The following LINGO2 variants were observed in gnomAD, a reference collection of about 807,000 sequenced individuals.
LINGO2 encodes leucine rich repeat and Ig domain containing 2.
LINGO2 carries 14 observed loss-of-function variants against 30.6 expected under a neutral mutation model. The ratio of observed to expected loss-of-function variants is 0.46; its 90% CI spans 0.30 to 0.72. The LOEUF (loss-of-function observed/expected upper bound fraction) is 0.72, where lower values mean the gene tolerates loss of function less well. Among genes scored for constraint, LINGO2 ranks in the 30% least tolerant of loss-of-function variants. The probability of loss-of-function intolerance (pLI) is 0.07; values close to 1 mark genes in which losing one functional copy is unlikely to be tolerated. For synonymous variants in LINGO2, 317 were observed against 288.5 expected, an observed-to-expected ratio of 1.10 and a Z score of -1.00; for missense variants, 729 against 751.7, an observed-to-expected ratio of 0.97 and a Z score of 0.35.
chr9:27,996,376 C>T (rs1338219378), intron 5 of LINGO2, among the ~76,000 whole-genome samples: 1 of 152,108 alleles, frequency 6.6e-6, no homozygotes, highest in South Asian at 2.1e-4. Flanking sequence ...AAAATATAGA[C>T]TCAATCTAAA....
At chr9:28,886,983 A>G in the LINGO2 span, among the ~76,000 whole-genome samples, 1 of 152,160 alleles carries the variant, frequency 6.6e-6, no homozygotes, top group Non-Finnish European at 1.5e-5. Context: ...TATTTAAGAA[A>G]TGTTCCCCAG....
At chr9:28,063,545 C>T (rs181755634) in intron 4 of LINGO2, among the ~76,000 whole-genome samples, 4 of 151,874 alleles carry the variant, frequency 2.6e-5, no homozygotes, top group Non-Finnish European at 5.9e-5. Flanking sequence ...ACTCTTATCC[C>T]CATTTTAAAG....
At chr9:28,171,552 T>C (rs565881638) in intron 4 of LINGO2, among the ~76,000 whole-genome samples, 2 of 152,280 alleles carry the variant, frequency 1.3e-5, no homozygotes, top group African/African-American at 2.4e-5. Context: ...CTTAAGGGCA[T>C]GGACAGAAGT....
chr9:29,144,168 T>C, the LINGO2 span, among the ~76,000 whole-genome samples: 6 of 152,210 alleles, frequency 3.9e-5, no homozygotes, highest in African/African-American at 1.2e-4. Flanking sequence ...TCGGTTACTA[T>C]AGCCTTGTAG....
At chr9:28,506,289 C>G (rs73439383) in intron 1 of LINGO2, among the ~76,000 whole-genome samples, 3,635 of 150,554 alleles carry the variant, frequency 0.024, 161 homozygotes, top group African/African-American at 0.084. Context: ...GAATATTATA[C>G]TCTATTTGAC....
the LINGO2 span, among the ~76,000 whole-genome samples, chr9:29,076,623 AAAT>A: frequency 1.1e-4 from 11 of 95,766 alleles, no homozygotes; most frequent in Non-Finnish European, 2.1e-4. Context: ...TAGATATAAT[AAAT>A]AAATAAATAT....
At chr9:28,273,512 G>A (rs1442851469) in intron 4 of LINGO2, among the ~76,000 whole-genome samples, 2 of 152,170 alleles carry the variant, frequency 1.3e-5, no homozygotes, top group Non-Finnish European at 2.9e-5. Context: ...AAAATGCCCA[G>A]GAAAGCTATG....
chr9:28,727,837 TAGAG>T, the LINGO2 span, among the ~76,000 whole-genome samples: 1 of 152,118 alleles, frequency 6.6e-6, no homozygotes, highest in Admixed American at 6.5e-5. Context: ...GAAACATAGA[TAGAG>T]AGAGATTGGT....
the LINGO2 span, among the ~76,000 whole-genome samples, chr9:29,123,765 C>G: frequency 6.6e-6 from 1 of 151,966 alleles, no homozygotes; most frequent in East Asian, 1.9e-4. Flanking sequence ...ACTAATAAAA[C>G]TTAAATATTT....
At chr9:28,039,259 A>C (rs1824089268) in intron 4 of LINGO2, among the ~76,000 whole-genome samples, 1 of 152,224 alleles carries the variant, frequency 6.6e-6, no homozygotes, top group African/African-American at 2.4e-5. Context: ...CTTAATTTTA[A>C]GAAATTGGGC....
intron 3 of LINGO2, among the ~76,000 whole-genome samples, chr9:28,305,769 G>C (rs1022287330): frequency 3.3e-5 from 5 of 151,932 alleles, no homozygotes; most frequent in African/African-American, 1.2e-4. Flanking sequence ...TCAGTTTGGG[G>C]TAAATTGACA....
chr9:29,116,502 A>C, the LINGO2 span, among the ~76,000 whole-genome samples: 2 of 152,062 alleles, frequency 1.3e-5, no homozygotes, highest in African/African-American at 4.8e-5. Context: ...CAACATCCTT[A>C]TTTCTTTTCA....
intron 2 of LINGO2, among the ~76,000 whole-genome samples, 173 bp downstream of exon 4, chr9:28,475,767 T>G (rs1357263276): frequency 6.6e-6 from 1 of 152,184 alleles, no homozygotes; most frequent in Non-Finnish European, 1.5e-5. Flanking sequence ...TAAAAAAATG[T>G]GGTCAAGTTT....
chr9:28,494,258 T>C (rs146484981), intron 1 of LINGO2, among the ~76,000 whole-genome samples: 161 of 152,294 alleles, frequency 1.1e-3, no homozygotes, highest in African/African-American at 3.4e-3. Flanking sequence ...AGGGTACATG[T>C]ACACAACTTG....
At chr9:28,910,959 C>A in the LINGO2 span, among the ~76,000 whole-genome samples, 1 of 151,990 alleles carries the variant, frequency 6.6e-6, no homozygotes, top group South Asian at 2.1e-4. Flanking sequence ...ATATGGTTTT[C>A]TCTTAAAAGC....
rs565393070 is a variant in LINGO2, at chr9:28,149,462, C to G, written c.-86-137057G>C. On this transcript the variant is annotated intron_variant, in intron 4 of 5. Transcript: ENST00000379992. ...CTGGGCAGTGAGGAGCGCCTCTGCC[C>G]GGCCCCCGCCCTCTCTGGGAAGTGA... Among the ~76,000 whole-genome samples the G allele has an allele frequency of 2.0e-5, 3 of 150,948 alleles. No homozygotes were observed. The East Asian group carries it at 6.0e-4, about 30-fold the overall frequency.
chr9:28,548,069 G>A (rs142088812), intron 1 of LINGO2, among the ~76,000 whole-genome samples: 2 of 152,102 alleles, frequency 1.3e-5, no homozygotes, highest in Non-Finnish European at 2.9e-5. Context: ...GGAAAAGCAG[G>A]AACCTGGAGA....
chr9:29,071,632 A>G, the LINGO2 span, among the ~76,000 whole-genome samples: 29,571 of 150,972 alleles, frequency 0.2, 3,043 homozygotes, highest in African/African-American at 0.24. Context: ...TGTTACTTAT[A>G]TAAGCAAAGC....
At chr9:29,177,913 T>C in the LINGO2 span, among the ~76,000 whole-genome samples, 10 of 152,132 alleles carry the variant, frequency 6.6e-5, no homozygotes, top group Non-Finnish European at 2.9e-5. Flanking sequence ...CATAATCATA[T>C]CCTTTTCTAA....
Sources: gnomAD v4.1 joint callset for allele counts (sites outside exome capture counted in the v4.1 genomes callset) on GRCh38, gnomAD v4.1.1 for gene constraint, MANE v1.5 for transcripts, NCBI Gene and HGNC (gene_info 2026-07-23, HGNC 2026-07-21) for gene names.